KLRG1: variants seen among roughly 807,000 people sequenced by gnomAD.
KLRG1 encodes killer cell lectin-like receptor subfamily G member 1.
In KLRG1, 16 loss-of-function variants were observed where a neutral mutation model predicts 21.8. The observed-to-expected ratio is 0.73, with a 90% CI of 0.50 to 1.11. KLRG1 has a LOEUF of 1.11. Among genes scored for constraint, KLRG1 ranks in the 50% most tolerant of loss-of-function variants. The pLI is 0.00. For synonymous variants in KLRG1, 69 were observed against 75.9 expected (o/e 0.91, Z 0.47); for missense variants, 173 against 218.3 (o/e 0.79, Z 1.31).
At chr12:9,072,996 G>A in the KLRG1 span, 1 of 674,400 alleles carries the variant, frequency 1.5e-6, no homozygotes, top group African/African-American at 1.8e-5. Context: ...AAATATAGGA[G>A]CTGTAATTTC....
the KLRG1 span, among the ~76,000 whole-genome samples, chr12:9,205,746 T>G: frequency 1.3e-5 from 2 of 152,204 alleles, no homozygotes; most frequent in South Asian, 4.1e-4. Flanking sequence ...CATAAACTCT[T>G]ACTTTTTAAA....
chr12:9,111,741 C>G, the KLRG1 span, among the ~76,000 whole-genome samples: 1 of 152,080 alleles, frequency 6.6e-6, no homozygotes, highest in African/African-American at 2.4e-5. Flanking sequence ...TCACAGATAC[C>G]AAGAGTTAGT....
the KLRG1 span, chr12:9,074,784 C>A: frequency 6.2e-7 from 1 of 1,607,456 alleles, no homozygotes; most frequent in East Asian, 2.2e-5. Flanking sequence ...ACAGAGTTGT[C>A]TTAAAGATGA....
chr12:9,190,755 C>T, the KLRG1 span, among the ~76,000 whole-genome samples: 1 of 151,992 alleles, frequency 6.6e-6, no homozygotes, highest in Non-Finnish European at 1.5e-5. Context: ...TATTTAAAAT[C>T]TCAATTCTGA....
intron 1 of KLRG1, among the ~76,000 whole-genome samples, chr12:8,951,797 G>T (rs753695298): frequency 6.6e-6 from 1 of 152,288 alleles, no homozygotes; most frequent in African/African-American, 2.4e-5. Flanking sequence ...CTTACCTCTT[G>T]GTGACTGCCT....
At chr12:9,109,914 T>G in the KLRG1 span, 1 of 1,613,738 alleles carries the variant, frequency 6.2e-7, no homozygotes, top group South Asian at 1.1e-5. Context: ...ACCTGATTTC[T>G]TCTGTACCAC....
chr12:9,013,304 T>C (rs1248974458), downstream of KLRG1, among the ~76,000 whole-genome samples: 3 of 152,164 alleles, frequency 2.0e-5, no homozygotes, highest in African/African-American at 7.2e-5. Context: ...AACTCTTTAA[T>C]GACCAGACAC....
the KLRG1 span, among the ~76,000 whole-genome samples, chr12:9,122,859 A>AT: frequency 6.6e-6 from 1 of 152,264 alleles, no homozygotes; most frequent in Non-Finnish European, 1.5e-5. Context: ...TGAAGGTTAA[A>AT]TTACAAGTTA....
chr12:9,104,209 A>G, the KLRG1 span: 29 of 1,597,914 alleles, frequency 1.8e-5, no homozygotes, highest in Non-Finnish European at 2.4e-5. Flanking sequence ...AGGCTACTTC[A>G]TGTCATTGGT....
chr12:9,016,584 AT>A, the KLRG1 span, among the ~76,000 whole-genome samples: 1 of 152,160 alleles, frequency 6.6e-6, no homozygotes, highest in South Asian at 2.1e-4. Flanking sequence ...CATTTAGAGA[AT>A]AACTAATACC....
chr12:8,955,274 T>C (rs927514880), intron 1 of KLRG1, among the ~76,000 whole-genome samples: 1 of 151,982 alleles, frequency 6.6e-6, no homozygotes, highest in Non-Finnish European at 1.5e-5. Flanking sequence ...ATAACTGTTA[T>C]CTGTAATCAA....
At chr12:9,114,553 CTCT>C in the KLRG1 span, among the ~76,000 whole-genome samples, 6 of 151,938 alleles carry the variant, frequency 3.9e-5, no homozygotes, top group South Asian at 2.1e-4. Context: ...TAATATCTTT[CTCT>C]TCTTTTTTCC....
the KLRG1 span, among the ~76,000 whole-genome samples, chr12:9,204,806 C>T: frequency 6.6e-6 from 1 of 151,992 alleles, no homozygotes; most frequent in Non-Finnish European, 1.5e-5. Flanking sequence ...AAAAAACAAA[C>T]AGGTTCAGGC....
chr12:9,007,994 A>G (rs1414103170), intron 3 of KLRG1, among the ~76,000 whole-genome samples: 5 of 152,138 alleles, frequency 3.3e-5, no homozygotes, highest in African/African-American at 1.2e-4. Flanking sequence ...AAACTTCTTC[A>G]TTTGAATGTC....
At chr12:9,154,643 G>T in the KLRG1 span, 2 of 1,614,166 alleles carry the variant, frequency 1.2e-6, no homozygotes, top group Admixed American at 1.7e-5. Flanking sequence ...CACCTTGGGC[G>T]TTCTGCTGCT....
the KLRG1 span, chr12:9,115,980 C>T: frequency 9.3e-6 from 7 of 750,748 alleles, no homozygotes; most frequent in East Asian, 2.7e-5. Context: ...AAGTTCCACC[C>T]ACACAAGATC....
the KLRG1 span, among the ~76,000 whole-genome samples, chr12:9,042,763 T>G: frequency 1.1e-3 from 161 of 150,180 alleles, no homozygotes; most frequent in African/African-American, 3.9e-3. Context: ...CTCTGAGTCT[T>G]CAAACTTTTA....
At chr12:9,111,341 T>C in the KLRG1 span, among the ~76,000 whole-genome samples, 1 of 152,044 alleles carries the variant, frequency 6.6e-6, no homozygotes, top group African/African-American at 2.4e-5. Flanking sequence ...TAAGTGCAAA[T>C]AGAAAAACAA....
chr12:9,198,308 C>T, the KLRG1 span, among the ~76,000 whole-genome samples: 1 of 152,022 alleles, frequency 6.6e-6, no homozygotes, highest in Non-Finnish European at 1.5e-5. Flanking sequence ...GCTAAGATTG[C>T]TCCACTGCAC....
Sources: gnomAD v4.1 joint callset for allele counts (sites outside exome capture counted in the v4.1 genomes callset) on GRCh38, gnomAD v4.1.1 for gene constraint, MANE v1.5 for transcripts, NCBI Gene and HGNC (gene_info 2026-07-23, HGNC 2026-07-21) for gene names.